The following CSMD1 variants were observed in gnomAD, a reference collection of about 807,000 sequenced individuals.
CSMD1 encodes the protein CUB and Sushi multiple domains 1, also known as CUB and sushi domain-containing protein 1.
Under a neutral mutation model 417.5 loss-of-function variants are expected in CSMD1, and 213 were observed. That is an observed-to-expected ratio of 0.51 (90% confidence interval 0.46 to 0.57). The LOEUF is 0.57. Ranked by LOEUF, CSMD1 falls within the 20% of genes least tolerant of loss-of-function variation. CSMD1 has a pLI of 0.00. For synonymous variants in CSMD1, 2,862 were observed against 1,736.8 expected, an observed-to-expected ratio of 1.65 and a Z score of -16.11; for missense variants, 6,923 against 4,529.7, an observed-to-expected ratio of 1.53 and a Z score of -15.17.
At chr8:3,655,610 G>T (rs1006308198) in intron 7 of CSMD1, among the ~76,000 whole-genome samples, 4 of 151,640 alleles carry the variant, frequency 2.6e-5, no homozygotes, top group Non-Finnish European at 5.9e-5. Context: ...GGCCCCTCAG[G>T]CAGGGCTGCA....
At chr8:4,036,800 G>A (rs141045290) in intron 3 of CSMD1, among the ~76,000 whole-genome samples, 1 of 152,232 alleles carries the variant, frequency 6.6e-6, no homozygotes, top group African/African-American at 2.4e-5. Flanking sequence ...TTATAACATG[G>A]ATGAGAAAAA....
At chr8:3,690,353 C>G (rs1342458611) in intron 7 of CSMD1, among the ~76,000 whole-genome samples, 1 of 152,204 alleles carries the variant, frequency 6.6e-6, no homozygotes, top group East Asian at 1.9e-4. Flanking sequence ...GAGACTCTGT[C>G]TCAAAACAAA....
chr8:3,933,894 C>T (rs758755479), intron 5 of CSMD1, among the ~76,000 whole-genome samples: 1 of 152,074 alleles, frequency 6.6e-6, no homozygotes, highest in Admixed American at 6.6e-5. Context: ...TTTACTTTCT[C>T]TAGGCCACCT....
intron 3 of CSMD1, among the ~76,000 whole-genome samples, chr8:4,041,152 G>A (rs966286646): frequency 8.6e-5 from 13 of 151,650 alleles, no homozygotes; most frequent in South Asian, 2.1e-4. Context: ...GAGTAGCTGG[G>A]ACTACAGGCG....
chr8:3,315,508 G>C (rs1416667088), intron 23 of CSMD1, among the ~76,000 whole-genome samples: 1 of 151,332 alleles, frequency 6.6e-6, no homozygotes, highest in Non-Finnish European at 1.5e-5. Context: ...TTAAGCTACA[G>C]ATGCTATTGT....
intron 3 of CSMD1, among the ~76,000 whole-genome samples, chr8:4,219,793 T>G (rs766734924): frequency 6.6e-6 from 1 of 152,222 alleles, no homozygotes; most frequent in African/African-American, 2.4e-5. Context: ...ATAGCCATTA[T>G]GTATTAATGT....
At chr8:3,881,801 G>C (rs934135676) in intron 5 of CSMD1, among the ~76,000 whole-genome samples, 1 of 152,110 alleles carries the variant, frequency 6.6e-6, no homozygotes, top group Admixed American at 6.6e-5. Flanking sequence ...AGACAGCTAA[G>C]CAAAGGGAAG....
intron 1 of CSMD1, among the ~76,000 whole-genome samples, chr8:4,689,052 C>T (rs1290208639): frequency 6.6e-6 from 1 of 152,204 alleles, no homozygotes; most frequent in Non-Finnish European, 1.5e-5. Context: ...CACATAATAA[C>T]TTGCTTTATT....
intron 1 of CSMD1, among the ~76,000 whole-genome samples, chr8:4,756,850 A>C (rs1220030800): frequency 6.6e-6 from 1 of 152,234 alleles, no homozygotes; most frequent in Admixed American, 6.5e-5. Flanking sequence ...AGTGACTGAA[A>C]AAGGGTGGAC....
At chr8:4,180,262 T>C (rs986953588) in intron 3 of CSMD1, among the ~76,000 whole-genome samples, 1 of 151,530 alleles carries the variant, frequency 6.6e-6, no homozygotes, top group African/African-American at 2.4e-5. Flanking sequence ...AAATGATGAG[T>C]TCATGTCCTT....
chr8:3,290,796 TC>T (rs2117274949), intron 25 of CSMD1, among the ~76,000 whole-genome samples: 1 of 148,432 alleles, frequency 6.7e-6, no homozygotes, highest in Non-Finnish European at 1.5e-5. Flanking sequence ...CTTCCTCTTT[TC>T]CTAATTGAAT....
intron 5 of CSMD1, among the ~76,000 whole-genome samples, chr8:3,768,279 T>C (rs896076846): frequency 3.9e-5 from 6 of 152,178 alleles, no homozygotes; most frequent in African/African-American, 1.2e-4. Context: ...AATATCATGA[T>C]TGAGCTAGGT....
chr8:3,459,629 T>C (rs1816373268), intron 12 of CSMD1, among the ~76,000 whole-genome samples: 1 of 152,068 alleles, frequency 6.6e-6, no homozygotes. Flanking sequence ...CACTGAAGGG[T>C]AACTCCCGGA....
At chr8:4,493,378 T>C (rs1801805459) in intron 2 of CSMD1, among the ~76,000 whole-genome samples, 1 of 152,146 alleles carries the variant, frequency 6.6e-6, no homozygotes, top group African/African-American at 2.4e-5. Context: ...TGGTAAAGGA[T>C]TACTACTGAT....
chr8:4,214,566 G>A (rs1563285862), intron 3 of CSMD1, among the ~76,000 whole-genome samples: 1 of 152,156 alleles, frequency 6.6e-6, no homozygotes, highest in East Asian at 1.9e-4. Flanking sequence ...CCAAAGTGCT[G>A]GAATTACAGG....
intron 12 of CSMD1, among the ~76,000 whole-genome samples, chr8:3,459,044 G>C (rs1390037120): frequency 6.6e-6 from 1 of 152,238 alleles, no homozygotes; most frequent in East Asian, 1.9e-4. Context: ...CCCGCCCGGA[G>C]AGAAGGGAAG....
chr8:3,278,684 C>G (rs1802497975), intron 26 of CSMD1: 1 of 151,132 alleles, frequency 6.6e-6, no homozygotes, highest in East Asian at 1.9e-4. Flanking sequence ...TTCATAAAGA[C>G]AAAAAAATGA....
chr8:3,420,213 G>A (rs1434625999), intron 12 of CSMD1, among the ~76,000 whole-genome samples: 2 of 152,022 alleles, frequency 1.3e-5, no homozygotes, highest in Non-Finnish European at 1.5e-5. Context: ...TGATATTCCT[G>A]GAAAACGTAT....
chr8:4,031,858 T>A (rs761909655), intron 4 of CSMD1, 47 bp downstream of exon 4: 12 of 1,422,932 alleles, frequency 8.4e-6, no homozygotes, highest in East Asian at 2.4e-5. Flanking sequence ...TCCAAAACCA[T>A]TGCCCTGCCC....
Sources: allele counts gnomAD v4.1 joint callset (sites outside exome capture counted in the v4.1 genomes callset), GRCh38; gene constraint gnomAD v4.1.1; transcripts MANE v1.5; gene names NCBI Gene and HGNC (gene_info 2026-07-23, HGNC 2026-07-21).